The following FSTL4 variants were observed in gnomAD, a reference collection of about 807,000 sequenced individuals.
FSTL4 encodes the protein follistatin like 4.
In FSTL4, 28 loss-of-function variants were observed where a neutral mutation model predicts 78.2. That is an observed-to-expected ratio of 0.36 (90% CI 0.27 to 0.49). FSTL4 has a LOEUF of 0.49. Among genes scored for constraint, FSTL4 ranks in the 20% least tolerant of loss-of-function variants. FSTL4 has a pLI of 0.98. For synonymous variants in FSTL4, 422 were observed against 440.5 expected, an observed-to-expected ratio of 0.96 and a Z score of 0.53; for missense variants, 922 against 1,084.9, an observed-to-expected ratio of 0.85 and a Z score of 2.11.
the FSTL4 span, among the ~76,000 whole-genome samples, chr5:133,730,429 C>T: frequency 6.6e-6 from 1 of 152,234 alleles, no homozygotes; most frequent in Admixed American, 6.5e-5. Context: ...TTATTCCCAG[C>T]TGTGTGATCC....
At chr5:133,568,519 C>T (rs1011563599) in intron 2 of FSTL4, among the ~76,000 whole-genome samples, 3 of 152,156 alleles carry the variant, frequency 2.0e-5, no homozygotes, top group African/African-American at 7.2e-5. Flanking sequence ...CTGACTGCTA[C>T]CTTTCTACTG....
chr5:133,812,776 T>A, the FSTL4 span, among the ~76,000 whole-genome samples: 5 of 152,208 alleles, frequency 3.3e-5, no homozygotes, highest in Admixed American at 3.3e-4. Context: ...TCCAGGGGTG[T>A]AGGAGCTTAC....
At chr5:133,493,815 A>G (rs192647983) in intron 3 of FSTL4, among the ~76,000 whole-genome samples, 21 of 152,206 alleles carry the variant, frequency 1.4e-4, no homozygotes, top group Non-Finnish European at 2.9e-4. Context: ...GTAATATTTT[A>G]TTTTCTATAT....
chr5:133,636,084 G>A, the FSTL4 span, among the ~76,000 whole-genome samples: 1 of 152,166 alleles, frequency 6.6e-6, no homozygotes, highest in Admixed American at 6.5e-5. Context: ...ATAAATGTAT[G>A]TTGAATGAAA....
In FSTL4 at chr5:133,505,668, T is replaced by C. The variant is rs554484061; in HGVS notation, c.160+61518A>G. Among the ~76,000 whole-genome samples the C allele has an allele frequency of 2.1e-4, 32 of 152,370 alleles. No homozygotes were observed. The South Asian group carries it at 6.6e-3, about 32-fold the overall frequency. On this transcript the variant is annotated intron_variant, in intron 3 of 15. Transcript: ENST00000265342. ...GTCTTATTCCTTAGAATGAATTCTT[T>C]AAAAGAAGGGATGCATTCCCTACAG...
chr5:133,395,608 C>G (rs1756010651), intron 4 of FSTL4, among the ~76,000 whole-genome samples: 1 of 152,202 alleles, frequency 6.6e-6, no homozygotes, highest in Non-Finnish European at 1.5e-5. Flanking sequence ...CAAGGCCTTT[C>G]CCCAGCTTGC....
chr5:133,235,958 A>T (rs1751648468), intron 7 of FSTL4, among the ~76,000 whole-genome samples: 2 of 152,126 alleles, frequency 1.3e-5, no homozygotes, highest in Admixed American at 1.3e-4. Context: ...CAGTGGTGAG[A>T]TGGCATCCTG....
the FSTL4 span, among the ~76,000 whole-genome samples, chr5:133,662,114 ACTT>A: frequency 6.6e-6 from 1 of 152,176 alleles, no homozygotes. Flanking sequence ...GTACATTTTT[ACTT>A]CTTGAGGATT....
At chr5:133,211,831 T>C (rs1750735723) in intron 13 of FSTL4, among the ~76,000 whole-genome samples, 1 of 152,210 alleles carries the variant, frequency 6.6e-6, no homozygotes, top group African/African-American at 2.4e-5. Context: ...CTGATGACTC[T>C]AGAATTCATT....
the FSTL4 span, among the ~76,000 whole-genome samples, chr5:133,726,200 C>T: frequency 2.6e-5 from 4 of 152,186 alleles, no homozygotes; most frequent in African/African-American, 9.7e-5. Context: ...ACCTCACCCA[C>T]ACAGACAAGG....
At chr5:133,617,477 G>T (rs1761220851), upstream of FSTL4, among the ~76,000 whole-genome samples, 1 of 152,122 alleles carries the variant, frequency 6.6e-6, no homozygotes. Flanking sequence ...ACTTTGACCA[G>T]TGGGAGACTG....
chr5:133,644,385 G>T, the FSTL4 span, among the ~76,000 whole-genome samples: 1 of 151,904 alleles, frequency 6.6e-6, no homozygotes, highest in African/African-American at 2.4e-5. Context: ...GAATTAACTT[G>T]CTGAGATTCC....
At chr5:133,351,097 A>G (rs760692066) in intron 4 of FSTL4, among the ~76,000 whole-genome samples, 1 of 152,214 alleles carries the variant, frequency 6.6e-6, no homozygotes, top group Non-Finnish European at 1.5e-5. Context: ...GGAAAGCGGC[A>G]CAGATGTCTC....
At chr5:133,219,032 A>G (rs917380094) in intron 12 of FSTL4, among the ~76,000 whole-genome samples, 2 of 152,318 alleles carry the variant, frequency 1.3e-5, no homozygotes, top group Admixed American at 1.3e-4. Flanking sequence ...CATGATATAC[A>G]GTCTCATGGT....
intron 7 of FSTL4, chr5:133,248,416 T>C (rs1378013246): frequency 2.0e-5 from 3 of 152,236 alleles, no homozygotes; most frequent in Admixed American, 2.0e-4. Context: ...ATGAAAATTA[T>C]ATTCCAGTTA....
chr5:133,488,003 G>A (rs1365844183), intron 3 of FSTL4, among the ~76,000 whole-genome samples: 1 of 152,186 alleles, frequency 6.6e-6, no homozygotes, highest in Non-Finnish European at 1.5e-5. Flanking sequence ...GCCTTTTGCA[G>A]ATGGGAAAAC....
chr5:133,808,030 G>A, the FSTL4 span, among the ~76,000 whole-genome samples: 2 of 152,148 alleles, frequency 1.3e-5, no homozygotes, highest in Non-Finnish European at 2.9e-5. Context: ...TTAAAAAAAG[G>A]GGAGTTCATC....
intron 5 of FSTL4, among the ~76,000 whole-genome samples, chr5:133,313,414 G>A (rs539652024): frequency 2.6e-5 from 4 of 152,160 alleles, no homozygotes; most frequent in Admixed American, 6.5e-5. Flanking sequence ...ATAGGCTCTC[G>A]TAAACTCCTC....
At chr5:133,306,939 T>A (rs527324494) in intron 6 of FSTL4, among the ~76,000 whole-genome samples, 1 of 152,364 alleles carries the variant, frequency 6.6e-6, no homozygotes, top group South Asian at 2.1e-4. Flanking sequence ...GCCGCCATCA[T>A]TGACCTGGTT....
Sources: allele counts gnomAD v4.1 joint callset (sites outside exome capture counted in the v4.1 genomes callset), GRCh38; gene constraint gnomAD v4.1.1; transcripts MANE v1.5; gene names NCBI Gene and HGNC (gene_info 2026-07-23, HGNC 2026-07-21).